The following SNX29 variants were observed in gnomAD, a reference collection of about 807,000 sequenced individuals.
SNX29 encodes sorting nexin 29.
Under a neutral mutation model 102.1 loss-of-function variants are expected in SNX29, and 78 were observed. That is an observed-to-expected ratio of 0.76 (90% confidence interval 0.64 to 0.92). The LOEUF is 0.92. Among genes scored for constraint, SNX29 ranks in the 40% least tolerant of loss-of-function variants. SNX29 has a pLI of 0.00. For missense variants in SNX29, 1,280 were observed against 1,061.7 expected (o/e 1.21, Z -2.86); for synonymous variants, 580 against 414.5 (o/e 1.40, Z -4.85).
chr16:12,361,094 G>A (rs985016823), intron 16 of SNX29, among the ~76,000 whole-genome samples: 1 of 152,214 alleles, frequency 6.6e-6, no homozygotes, highest in Non-Finnish European at 1.5e-5. Flanking sequence ...TAGAGACTTG[G>A]GCAGCATCTA....
At chr16:12,500,457 C>G (rs2089061482) in intron 19 of SNX29, among the ~76,000 whole-genome samples, 1 of 152,182 alleles carries the variant, frequency 6.6e-6, no homozygotes, top group Admixed American at 6.5e-5. Flanking sequence ...GAGTCCGCCT[C>G]TCTGTAACCT....
chr16:12,403,549 G>A lies in SNX29; in HGVS notation c.2037+20G>A. ...TATCAGGTGAGTGCCTGGTTTTCAG[G>A]TGGACATCACAGCTGGGTGGAAAAA... On this transcript the variant is annotated intron_variant, in intron 18 of 20. Transcript: ENST00000566228. The A allele has an allele frequency of 1.9e-6, 3 of 1,592,190 alleles. No homozygotes were observed. The highest frequency in any genetic ancestry group is 2.6e-6 in the Non-Finnish European group (3 of 1,168,100).
chr16:12,515,831 G>A (rs559114060), intron 19 of SNX29, among the ~76,000 whole-genome samples: 1 of 152,264 alleles, frequency 6.6e-6, no homozygotes, highest in South Asian at 2.1e-4. Context: ...GCAGGAGCCA[G>A]CACAATTAAC....
At chr16:12,386,240 T>G in intron 16 of SNX29, among the ~76,000 whole-genome samples, 1 of 152,330 alleles carries the variant, frequency 6.6e-6, no homozygotes, top group Admixed American at 6.5e-5. Context: ...TGGGGCCTCG[T>G]GTGCTGGTGC....
At chr16:12,228,936 G>C (rs1289541679) in intron 14 of SNX29, among the ~76,000 whole-genome samples, 1 of 152,232 alleles carries the variant, frequency 6.6e-6, no homozygotes, top group Non-Finnish European at 1.5e-5. Context: ...CCTCCACCGA[G>C]TCTTCTGACT....
At chr16:12,396,073 T>A (rs2083709600) in intron 16 of SNX29, among the ~76,000 whole-genome samples, 1 of 152,224 alleles carries the variant, frequency 6.6e-6, no homozygotes, top group Non-Finnish European at 1.5e-5. Context: ...TAATGCCATG[T>A]AATTAGAAGA....
At position 12,051,309 on chromosome 16, in the gene SNX29, A is replaced by G. The variant is rs535400419; in HGVS notation, c.749-538A>G. On this transcript the variant is annotated intron_variant, in intron 7 of 20. Transcript: ENST00000566228. ...GCACCATTGTACTCCAGCCTGGGCA[A>G]TAGAGCGAGATGCCCCAACTCTTAA... Among the ~76,000 whole-genome samples the G allele has an allele frequency of 3.4e-5, 5 of 148,350 alleles. No individual in the cohort carries two copies. In the South Asian group the frequency reaches 8.6e-4, roughly 25 times the overall value.
chr16:12,137,561 C>T (rs758993048), intron 13 of SNX29, among the ~76,000 whole-genome samples: 144 of 152,198 alleles, frequency 9.5e-4, no homozygotes, highest in Admixed American at 1.6e-3. Context: ...GAGCCCTGCT[C>T]AGATCATGCT....
intron 11 of SNX29, among the ~76,000 whole-genome samples, chr16:12,121,412 G>C (rs548002998): frequency 1.3e-5 from 2 of 152,386 alleles, no homozygotes; most frequent in East Asian, 3.9e-4. Context: ...GTGCATGACT[G>C]CTTTATTCCC....
intron 16 of SNX29, among the ~76,000 whole-genome samples, chr16:12,361,231 G>A (rs1200559000): frequency 6.6e-6 from 1 of 152,208 alleles, no homozygotes; most frequent in East Asian, 1.9e-4. Flanking sequence ...CCCAACACCA[G>A]GGGTCCCAGC....
chr16:12,080,994 T>G (rs1463772941), intron 11 of SNX29, among the ~76,000 whole-genome samples: 1 of 152,212 alleles, frequency 6.6e-6, no homozygotes, highest in Non-Finnish European at 1.5e-5. Flanking sequence ...TAGTTTACTT[T>G]TAATGATGCA....
At chr16:12,308,603 G>A (rs1162571893) in intron 15 of SNX29, among the ~76,000 whole-genome samples, 6 of 152,160 alleles carry the variant, frequency 3.9e-5, no homozygotes, top group African/African-American at 1.4e-4. Flanking sequence ...GGCTTCGAGT[G>A]CCAGGGATAA....
intron 10 of SNX29, among the ~76,000 whole-genome samples, chr16:12,069,752 G>T (rs147662842): frequency 1.3e-5 from 2 of 152,088 alleles, no homozygotes; most frequent in African/African-American, 4.8e-5. Context: ...GTGCGGTGGC[G>T]CAATCTCGGC....
intron 16 of SNX29, among the ~76,000 whole-genome samples, chr16:12,370,182 A>T (rs1471071844): frequency 6.6e-6 from 1 of 152,182 alleles, no homozygotes; most frequent in Non-Finnish European, 1.5e-5. Flanking sequence ...AGATGGTGCC[A>T]TTGCACTCTA....
intron 13 of SNX29, among the ~76,000 whole-genome samples, chr16:12,167,945 C>T (rs934928583): frequency 3.9e-5 from 6 of 152,110 alleles, no homozygotes; most frequent in African/African-American, 1.4e-4. Flanking sequence ...CAGGCCTGAC[C>T]CTTTACCAAA....
chr16:12,545,860 G>A (rs781702496), intron 20 of SNX29, among the ~76,000 whole-genome samples: 2 of 152,158 alleles, frequency 1.3e-5, no homozygotes, highest in Non-Finnish European at 2.9e-5. Flanking sequence ...CTCTCCTTGA[G>A]AGGGTGAGCC....
Position 12,555,521 on chromosome 16 carries a change from G to A in SNX29, c.2319-12985G>A, listed in dbSNP as rs546210676. Among the ~76,000 whole-genome samples, 199 of 151,336 alleles carry A rather than the reference G, an allele frequency of 1.3e-3. 2 individuals are homozygous for A. Among genetic ancestry groups the A allele is most frequent in the African/African-American group, 4.3e-3 (176 of 41,254 alleles). On this transcript the variant is annotated intron_variant, in intron 20 of 20. Transcript: ENST00000566228. ...GTCACGCAGGGATTGACTGGACAGC[G>A]CCCCTGCTCTCTGGGAGGTCATACC...
intron 11 of SNX29, among the ~76,000 whole-genome samples, chr16:12,117,118 C>T (rs1311174916): frequency 6.8e-6 from 1 of 147,798 alleles, no homozygotes; most frequent in Non-Finnish European, 1.5e-5. Flanking sequence ...GCGGACGAAC[C>T]ATGGAAACAG....
intron 16 of SNX29, among the ~76,000 whole-genome samples, chr16:12,371,654 C>A (rs554589087): frequency 6.6e-6 from 1 of 152,158 alleles, no homozygotes; most frequent in Non-Finnish European, 1.5e-5. Context: ...TTTCTCCTGT[C>A]CAGGGTGTCA....
Sources: allele counts gnomAD v4.1 joint callset (sites outside exome capture counted in the v4.1 genomes callset), GRCh38; gene constraint gnomAD v4.1.1; transcripts MANE v1.5; gene names NCBI Gene and HGNC (gene_info 2026-07-23, HGNC 2026-07-21).